LHFPL3: variants seen among roughly 807,000 people sequenced by gnomAD.
LHFPL3 encodes LHFPL tetraspan subfamily member 3 protein.
A neutral mutation model predicts 19.3 loss-of-function variants in LHFPL3; 5 were observed. The ratio of observed to expected loss-of-function variants is 0.26; its 90% confidence interval spans 0.14 to 0.54. The LOEUF (loss-of-function observed/expected upper bound fraction) is 0.54. LHFPL3 is among the 20% of genes least tolerant of loss of function. The probability of loss-of-function intolerance (pLI) is 0.94; values close to 1 mark genes in which losing one functional copy is unlikely to be tolerated. For synonymous variants in LHFPL3, 133 were observed against 126.2 expected (o/e 1.05, Z -0.36); for missense variants, 249 against 307.4 (o/e 0.81, Z 1.42).
intron 1 of LHFPL3, among the ~76,000 whole-genome samples, chr7:104,597,912 G>C (rs1281714557): frequency 1.3e-5 from 2 of 152,128 alleles, no homozygotes; most frequent in Non-Finnish European, 2.9e-5. Flanking sequence ...AGATGGATAA[G>C]ACATCAGTTT....
intron 1 of LHFPL3, among the ~76,000 whole-genome samples, chr7:104,539,956 C>T (rs532404777): frequency 2.6e-5 from 4 of 151,962 alleles, no homozygotes; most frequent in South Asian, 2.1e-4. Context: ...TCCTGATGCA[C>T]GAAATGCAGA....
chr7:104,597,342 C>T (rs1308370996), intron 1 of LHFPL3, among the ~76,000 whole-genome samples: 1 of 152,130 alleles, frequency 6.6e-6, no homozygotes, highest in Non-Finnish European at 1.5e-5. Flanking sequence ...TTTCCATTTT[C>T]ACTCTTTATA....
Position 104,365,802 on chromosome 7 carries a change from A to AAG in LHFPL3, c.445+36579_445+36580insGA, listed in dbSNP as rs1011634037. Among the ~76,000 whole-genome samples, 14 of 146,192 alleles carry AAG rather than the reference A, an allele frequency of 9.6e-5. 1 individual carries two copies. Among genetic ancestry groups the AAG allele is most frequent in the Admixed American group, 6.8e-4 (10 of 14,672 alleles). ...GACTCCGTCTCAAAAAAAAAAAAAA[A>AAG]AAAGAAAAGCCTCTTTCCAGCTAGG... is the stretch of plus-strand genomic sequence containing the variant. On this transcript the variant is annotated intron_variant, in intron 1 of 2. Coordinates refer to ENST00000424859, the MANE Select transcript of LHFPL3 (RefSeq NM_199000.3).
At chr7:104,501,322 TTAAG>T (rs1793595071) in intron 1 of LHFPL3, among the ~76,000 whole-genome samples, 1 of 152,202 alleles carries the variant, frequency 6.6e-6, no homozygotes, top group Admixed American at 6.5e-5. Flanking sequence ...TTAAAAGCTA[TTAAG>T]TAAGATGAAG....
intron 1 of LHFPL3, among the ~76,000 whole-genome samples, chr7:104,405,286 C>G (rs565178928): frequency 9.9e-5 from 15 of 152,208 alleles, no homozygotes; most frequent in African/African-American, 3.1e-4. Context: ...AACTAATATT[C>G]TATGATATAA....
intron 1 of LHFPL3, among the ~76,000 whole-genome samples, chr7:104,660,167 A>G (rs796688005): frequency 4.6e-5 from 7 of 152,160 alleles, no homozygotes; most frequent in African/African-American, 1.7e-4. Context: ...ACACCTGGCT[A>G]ATTTTTTGCA....
At chr7:104,696,143 G>T (rs1366244916) in intron 1 of LHFPL3, among the ~76,000 whole-genome samples, 2 of 152,058 alleles carry the variant, frequency 1.3e-5, no homozygotes, top group African/African-American at 2.4e-5. Context: ...GTAGAGACAG[G>T]GTTTCACCAT....
chr7:104,813,113 C>T (rs1050079886), intron 2 of LHFPL3, among the ~76,000 whole-genome samples: 1 of 151,570 alleles, frequency 6.6e-6, no homozygotes, highest in Admixed American at 6.6e-5. Flanking sequence ...GACTTCATCT[C>T]GGGGAGAAAA....
intron 2 of LHFPL3, among the ~76,000 whole-genome samples, chr7:104,741,379 G>C (rs779105444): frequency 2.8e-5 from 4 of 144,956 alleles, no homozygotes; most frequent in African/African-American, 5.1e-5. Context: ...AGACACAACT[G>C]TTGTCTTAAA....
intron 2 of LHFPL3, among the ~76,000 whole-genome samples, chr7:104,809,908 T>C (rs917599774): frequency 1.3e-5 from 2 of 152,140 alleles, no homozygotes; most frequent in Non-Finnish European, 2.9e-5. Flanking sequence ...TCAGAGCATA[T>C]AGTCTATAAG....
At chr7:104,456,078 T>G (rs1792534566) in intron 1 of LHFPL3, among the ~76,000 whole-genome samples, 1 of 152,208 alleles carries the variant, frequency 6.6e-6, no homozygotes, top group Non-Finnish European at 1.5e-5. Flanking sequence ...GTTGACTGTT[T>G]CGGCTCTACA....
intron 2 of LHFPL3, among the ~76,000 whole-genome samples, chr7:104,877,243 T>A (rs1481785390): frequency 6.6e-6 from 1 of 151,908 alleles, no homozygotes; most frequent in African/African-American, 2.4e-5. Context: ...AACCTGCACG[T>A]TGTGCACATG....
At chr7:104,896,990 G>T (rs938045385) in intron 2 of LHFPL3, among the ~76,000 whole-genome samples, 5 of 151,902 alleles carry the variant, frequency 3.3e-5, no homozygotes, top group Middle Eastern at 3.2e-3. Flanking sequence ...GGAGGCTGAG[G>T]CAGGAGAATC....
chr7:104,827,608 TTTTG>T (rs1455415420), intron 2 of LHFPL3, among the ~76,000 whole-genome samples: 1 of 151,590 alleles, frequency 6.6e-6, no homozygotes, highest in Non-Finnish European at 1.5e-5. Context: ...ATCTGTTTTG[TTTTG>T]TTTTTTTTTT....
At chr7:104,616,010 A>G (rs1441971118) in intron 1 of LHFPL3, among the ~76,000 whole-genome samples, 2 of 152,240 alleles carry the variant, frequency 1.3e-5, no homozygotes, top group Non-Finnish European at 2.9e-5. Context: ...ATGGAAAAAC[A>G]TTCCATGCTT....
intron 1 of LHFPL3, among the ~76,000 whole-genome samples, chr7:104,442,100 G>T (rs1278534269): frequency 6.6e-6 from 1 of 151,460 alleles, no homozygotes; most frequent in Non-Finnish European, 1.5e-5. Context: ...TCTAACAGGT[G>T]TGAGGTGATA....
chr7:104,770,224 G>A lies in LHFPL3; in HGVS notation c.682+33313G>A, dbSNP rs190837573. Among the ~76,000 whole-genome samples, 3 of 152,136 alleles carry A rather than the reference G, an allele frequency of 2.0e-5. No individual in the cohort carries two copies. The East Asian group carries it at 5.8e-4, about 30-fold the overall frequency. ...AAAAGGTAGATCACTTCCTCTGAAT[G>A]CCATGGAGGGATGTATTATATGACC... On this transcript the variant is annotated intron_variant, in intron 2 of 2. Transcript: ENST00000424859.
chr7:104,766,093 G>A (rs1794452234), intron 2 of LHFPL3, among the ~76,000 whole-genome samples: 1 of 152,214 alleles, frequency 6.6e-6, no homozygotes, highest in East Asian at 1.9e-4. Context: ...AGTTGGCACA[G>A]AAATCCATAT....
At chr7:104,675,613 C>T (rs925723587) in intron 1 of LHFPL3, among the ~76,000 whole-genome samples, 3 of 152,142 alleles carry the variant, frequency 2.0e-5, no homozygotes, top group African/African-American at 4.8e-5. Context: ...ATCATAGCAA[C>T]TTCCATTAGG....
Sources: gnomAD v4.1 joint callset for allele counts (sites outside exome capture counted in the v4.1 genomes callset) on GRCh38, gnomAD v4.1.1 for gene constraint, MANE v1.5 for transcripts, NCBI Gene and HGNC (gene_info 2026-07-23, HGNC 2026-07-21) for gene names.